Variants in PHF24 observed in about 807,000 individuals in gnomAD.
PHF24 encodes PHD finger protein 24.
Under a neutral mutation model 42.6 loss-of-function variants are expected in PHF24, and 25 were observed. The observed-to-expected ratio is 0.59, with a 90% CI of 0.43 to 0.82. PHF24 has a LOEUF of 0.82. Among genes scored for constraint, PHF24 ranks in the 40% least tolerant of loss-of-function variants. The probability of loss-of-function intolerance (pLI) is 0.00; values close to 1 mark genes in which losing one functional copy is unlikely to be tolerated. For missense variants in PHF24, 470 were observed against 538.1 expected (o/e 0.87, Z 1.25); for synonymous variants, 185 against 204.8 (o/e 0.90, Z 0.83).
chr9:34,903,732 T>TC, the PHF24 span, among the ~76,000 whole-genome samples: 1 of 152,198 alleles, frequency 6.6e-6, no homozygotes. Flanking sequence ...CCAGTGACAC[T>TC]AGCACCTGAG....
chr9:34,922,554 C>T, the PHF24 span: 38 of 970,086 alleles, frequency 3.9e-5, no homozygotes, highest in Admixed American at 1.7e-5. Flanking sequence ...GTAGTGATCT[C>T]CTTTCATTTT....
the PHF24 span, among the ~76,000 whole-genome samples, chr9:34,759,721 G>C: frequency 6.6e-6 from 1 of 152,104 alleles, no homozygotes; most frequent in African/African-American, 2.4e-5. Context: ...TCCTGCACCT[G>C]CTCCTGCCGG....
the PHF24 span, among the ~76,000 whole-genome samples, chr9:34,719,610 G>A: frequency 6.6e-6 from 1 of 152,174 alleles, no homozygotes; most frequent in Non-Finnish European, 1.5e-5. Flanking sequence ...AGCAGCATGA[G>A]CCCATGCTGG....
chr9:34,690,772 C>T, the PHF24 span, among the ~76,000 whole-genome samples: 1 of 152,040 alleles, frequency 6.6e-6, no homozygotes, highest in Non-Finnish European at 1.5e-5. Flanking sequence ...TTAGTGTCTG[C>T]CATTCTCCCT....
At chr9:34,825,732 C>T in the PHF24 span, among the ~76,000 whole-genome samples, 6 of 152,048 alleles carry the variant, frequency 3.9e-5, no homozygotes, top group Admixed American at 3.9e-4. Context: ...TGTGCTTACT[C>T]TGAACTCTTA....
chr9:34,683,646 G>A, the PHF24 span, among the ~76,000 whole-genome samples: 1 of 152,184 alleles, frequency 6.6e-6, no homozygotes, highest in Admixed American at 6.5e-5. Flanking sequence ...CAGTAACATA[G>A]TCTATCCTAG....
At chr9:34,952,840 G>T (rs776388133), upstream of PHF24, among the ~76,000 whole-genome samples, 13 of 152,128 alleles carry the variant, frequency 8.5e-5, no homozygotes, top group Non-Finnish European at 1.5e-4. Flanking sequence ...ATGAACAACT[G>T]ATATCCAAAA....
the PHF24 span, among the ~76,000 whole-genome samples, chr9:34,888,236 C>G: frequency 6.6e-6 from 1 of 152,178 alleles, no homozygotes; most frequent in African/African-American, 2.4e-5. Flanking sequence ...CTCCTATGTA[C>G]TTTCATCTTA....
the PHF24 span, among the ~76,000 whole-genome samples, chr9:34,913,280 A>G: frequency 1.3e-5 from 2 of 152,218 alleles, no homozygotes; most frequent in African/African-American, 4.8e-5. Flanking sequence ...ATGCGATGAT[A>G]TAATAGCTGA....
At chr9:34,668,373 A>G in the PHF24 span, among the ~76,000 whole-genome samples, 1 of 152,210 alleles carries the variant, frequency 6.6e-6, no homozygotes, top group Non-Finnish European at 1.5e-5. Context: ...AGGCACATCT[A>G]CATCACACAG....
At chr9:34,918,780 G>C in the PHF24 span, among the ~76,000 whole-genome samples, 1 of 151,916 alleles carries the variant, frequency 6.6e-6, no homozygotes, top group Non-Finnish European at 1.5e-5. Context: ...ATTTTGAAAG[G>C]TCACTAAACA....
At chr9:34,859,343 G>A in the PHF24 span, among the ~76,000 whole-genome samples, 2 of 152,152 alleles carry the variant, frequency 1.3e-5, no homozygotes, top group African/African-American at 4.8e-5. Flanking sequence ...GGGTTGCTCT[G>A]TTCCTTTCAG....
the PHF24 span, among the ~76,000 whole-genome samples, chr9:34,803,663 G>A: frequency 2.6e-5 from 4 of 152,162 alleles, no homozygotes; most frequent in East Asian, 1.9e-4. Flanking sequence ...CTTCCTTGAC[G>A]AAAATGTTTT....
chr9:34,754,186 GCAAAGGAAA>G, the PHF24 span, among the ~76,000 whole-genome samples: 2 of 151,964 alleles, frequency 1.3e-5, no homozygotes, highest in African/African-American at 4.8e-5. Flanking sequence ...GCTTCCGCAC[GCAAAGGAAA>G]CAATCAACAA....
chr9:34,767,948 A>G, the PHF24 span, among the ~76,000 whole-genome samples: 1 of 152,174 alleles, frequency 6.6e-6, no homozygotes, highest in African/African-American at 2.4e-5. Context: ...GTGCACATCT[A>G]CCGACACTAT....
the PHF24 span, among the ~76,000 whole-genome samples, chr9:34,715,390 T>G: frequency 6.6e-6 from 1 of 152,068 alleles, no homozygotes. Flanking sequence ...CTGGGTTTAT[T>G]GTACCCCACA....
the PHF24 span, among the ~76,000 whole-genome samples, chr9:34,803,857 C>T: frequency 1.3e-5 from 2 of 152,156 alleles, no homozygotes; most frequent in East Asian, 1.9e-4. Context: ...CATTAGTATG[C>T]GCTCTCTTGA....
chr9:34,780,298 C>CTTTTTTTTTTTTTTTTTTT, the PHF24 span, among the ~76,000 whole-genome samples: 3 of 63,890 alleles, frequency 4.7e-5, no homozygotes, highest in Non-Finnish European at 6.6e-5. Flanking sequence ...TTCTTTTTTT[C>CTTTTTTTTTTTTTTTTTTT]TTTTTTTTTT....
chr9:34,709,609 G>A, the PHF24 span: 1 of 1,614,072 alleles, frequency 6.2e-7, no homozygotes, highest in Non-Finnish European at 8.5e-7. Context: ...TCCAGATGCT[G>A]CATCAGCTGC....
Sources: allele counts gnomAD v4.1 joint callset (sites outside exome capture counted in the v4.1 genomes callset), GRCh38; gene constraint gnomAD v4.1.1; transcripts MANE v1.5; gene names NCBI Gene and HGNC (gene_info 2026-07-23, HGNC 2026-07-21).